MLXIP: variants seen among roughly 807,000 people sequenced by gnomAD.
The protein encoded by MLXIP is MLX-interacting protein.
MLXIP carries 30 observed loss-of-function variants against 87.2 expected under a neutral mutation model. The ratio of observed to expected loss-of-function variants is 0.34; its 90% confidence interval spans 0.26 to 0.47. The LOEUF (loss-of-function observed/expected upper bound fraction) is 0.47. MLXIP is among the 20% of genes least tolerant of loss of function. The pLI is 1.00. For missense variants in MLXIP, 1,002 were observed against 1,240.1 expected (o/e 0.81, Z 2.88); for synonymous variants, 530 against 514.0 (o/e 1.03, Z -0.42).
At chr12:122,131,718 A>G (rs938332655) in intron 7 of MLXIP, among the ~76,000 whole-genome samples, 1 of 151,018 alleles carries the variant, frequency 6.6e-6, no homozygotes, top group African/African-American at 2.4e-5. Flanking sequence ...AAGCCATCAC[A>G]CCCAGCCTGT....
chr12:122,080,348 A>G (rs374596405), intron 1 of MLXIP, among the ~76,000 whole-genome samples: 8 of 152,136 alleles, frequency 5.3e-5, no homozygotes, highest in East Asian at 1.9e-4. Context: ...GTTTCCTAGG[A>G]GACTCCATAA....
At chr12:122,105,789 A>G (rs949429912) in intron 1 of MLXIP, among the ~76,000 whole-genome samples, 3 of 152,052 alleles carry the variant, frequency 2.0e-5, no homozygotes, top group East Asian at 3.9e-4. Context: ...CAAAAAAAAA[A>G]AAAACTTCCC....
intron 1 of MLXIP, among the ~76,000 whole-genome samples, chr12:122,088,836 C>T (rs1391773571): frequency 6.6e-6 from 1 of 151,838 alleles, no homozygotes; most frequent in Non-Finnish European, 1.5e-5. Flanking sequence ...GGGAATTAGC[C>T]TAGTTTTCGG....
At chr12:122,093,864 G>C (rs1301411592) in intron 1 of MLXIP, among the ~76,000 whole-genome samples, 3 of 145,376 alleles carry the variant, frequency 2.1e-5, no homozygotes, top group African/African-American at 7.7e-5. Context: ...AGTGTCTGGT[G>C]TGTGGGGTGT....
rs1952053249 is a variant in MLXIP, at chr12:122,079,035, C to G, written c.182C>G (p.Pro61Arg). ...RAHASAAPPP[P>R]RAGPGREEPP... Reference sequence around the variant, plus strand: ...CACGCGAGCGCCGCGCCACCGCCGCCTCGGGCCGGGCCGGGCCGCGAGGAA... The same window carrying G: ...CACGCGAGCGCCGCGCCACCGCCGCGTCGGGCCGGGCCGGGCCGCGAGGAA... The change falls in exon 1 of 17, where the codon CCT becomes CGT. Residue 61 changes from proline (P) to arginine (R), a missense_variant. By Grantham distance (103) the Pro-to-Arg change is moderately radical. Around this residue, in one of 3 missense-constraint regions of MLXIP, gnomAD observed 129 missense variants for 104.2 expected, o/e 1.24. Coordinates refer to ENST00000319080, the MANE Select transcript of MLXIP (RefSeq NM_014938.6). 7.2e-7 allele frequency: 1 copy of G among 1,398,478 alleles called. No homozygotes were observed. Among genetic ancestry groups the G allele is most frequent in the South Asian group, 1.4e-5 (1 of 70,034 alleles). The allele number at this position is 1,398,478 out of a possible 1,614,324, so 86.6% of individuals were successfully genotyped here. A position where few individuals can be genotyped will look rare whatever the true frequency, so the allele number is the denominator to read the frequency against.
At chr12:122,130,272 A>G in intron 6 of MLXIP, 160 bp downstream of exon 6, 2 of 297,628 alleles carry the variant, frequency 6.7e-6, no homozygotes, top group Non-Finnish European at 9.9e-6. Flanking sequence ...CTCATTTGAC[A>G]TCCAGGCCGC....
chr12:122,101,925 G>A (rs1170416465), intron 1 of MLXIP, among the ~76,000 whole-genome samples: 1 of 152,176 alleles, frequency 6.6e-6, no homozygotes, highest in Non-Finnish European at 1.5e-5. Context: ...TTTAGGATGT[G>A]AACCATTTTG....
chr12:122,087,338 T>C (rs1252522099), intron 1 of MLXIP, among the ~76,000 whole-genome samples: 1 of 151,960 alleles, frequency 6.6e-6, no homozygotes, highest in Non-Finnish European at 1.5e-5. Context: ...CATCAGGTCT[T>C]ATATTGTGAG....
chr12:122,100,633 C>G (rs1036704535), intron 1 of MLXIP, among the ~76,000 whole-genome samples: 4 of 152,284 alleles, frequency 2.6e-5, no homozygotes, highest in Middle Eastern at 3.4e-3. Flanking sequence ...CTTGAATGAT[C>G]ATCTCCTCTA....
At position 122,084,985 on chromosome 12, in the gene MLXIP, G is replaced by GTTAC. The variant is rs1285863433; in HGVS notation, c.413+5720_413+5723dup. On this transcript the variant is annotated intron_variant, in intron 1 of 16. Coordinates refer to ENST00000319080, the MANE Select transcript of MLXIP (RefSeq NM_014938.6). ...CGTTAATTAGCTGTGTTACCGAGAGGTTACACAACTTGTCCACGGAAAAGT... is the reference window on the plus strand; with the variant it reads ...CGTTAATTAGCTGTGTTACCGAGAGGTTACTTACACAACTTGTCCACGGAAAAGT... 2.6e-5 allele frequency among the ~76,000 whole-genome samples: 4 copies of GTTAC among 152,200 alleles called. No homozygotes were observed. In the East Asian group the frequency reaches 7.7e-4, roughly 29 times the overall value.
intron 1 of MLXIP, among the ~76,000 whole-genome samples, chr12:122,118,751 G>C (rs1391348450): frequency 6.6e-6 from 1 of 151,870 alleles, no homozygotes; most frequent in Non-Finnish European, 1.5e-5. Flanking sequence ...AGGAGGCTTA[G>C]GCAGGGGAAT....
intron 1 of MLXIP, among the ~76,000 whole-genome samples, chr12:122,081,709 A>T (rs546096003): frequency 6.6e-6 from 1 of 152,300 alleles, no homozygotes; most frequent in South Asian, 2.1e-4. Flanking sequence ...GGGCAGAAAG[A>T]AGACTTAACC....
Position 122,133,122 on chromosome 12 carries a change from C to T in MLXIP, c.1093-226C>T, listed in dbSNP as rs1009917119. On this transcript the variant is annotated intron_variant, in intron 8 of 16. Coordinates refer to ENST00000319080, the MANE Select transcript of MLXIP (RefSeq NM_014938.6). The surrounding 1 kb of genome is among the most constrained non-coding windows in gnomAD (Gnocchi z 4.9). Reference sequence around the variant, plus strand: ...CTAGCCAGCTGTGTGAGGGCCGTTGCCTTATCTGAGCTCTGAGTTATTTAG... The same window carrying T: ...CTAGCCAGCTGTGTGAGGGCCGTTGTCTTATCTGAGCTCTGAGTTATTTAG... 1 of 472,372 alleles carries T rather than the reference C, an allele frequency of 2.1e-6. No homozygotes were observed. The highest frequency in any genetic ancestry group is 2.0e-5 in the African/African-American group (1 of 50,592). The allele number at this position is 472,372 out of a possible 1,614,324, so 29.3% of individuals were successfully genotyped here. A position where few individuals can be genotyped will look rare whatever the true frequency, so the allele number is the denominator to read the frequency against.
At chr12:122,094,324 T>G (rs1336867096) in intron 1 of MLXIP, among the ~76,000 whole-genome samples, 1 of 135,016 alleles carries the variant, frequency 7.4e-6, no homozygotes. Flanking sequence ...GGTGTGTTGG[T>G]GTGTGTGTGG....
intron 1 of MLXIP, among the ~76,000 whole-genome samples, chr12:122,111,875 G>T (rs1174298129): frequency 6.6e-6 from 1 of 152,096 alleles, no homozygotes; most frequent in Non-Finnish European, 1.5e-5. Flanking sequence ...GTATGGTGAT[G>T]GCCCAATTTG....
Position 122,135,447 on chromosome 12 carries a change from A to G in MLXIP, c.1855-42A>G, listed in dbSNP as rs1593115262. The G allele has an allele frequency of 6.2e-6, 10 of 1,608,390 alleles. No individual in the cohort carries two copies. Among genetic ancestry groups the G allele is most frequent in the Non-Finnish European group, 8.5e-6 (10 of 1,177,526 alleles). ...GACGACTGGTGTGCCGCCCTGCTGT[A>G]TATCAGCAGTCAGGGGTGACCTGTC... On this transcript the variant is annotated intron_variant, in intron 10 of 16. Transcript: ENST00000319080. The surrounding 1 kb of genome is among the most constrained non-coding windows in gnomAD (Gnocchi z 5.3).
intron 7 of MLXIP, 127 bp from the exon 8 acceptor site, chr12:122,132,165 G>C: frequency 1.5e-6 from 1 of 652,612 alleles, no homozygotes; most frequent in Non-Finnish European, 2.8e-6. Flanking sequence ...CTCATGATCT[G>C]CCTACCTCGG....
At chr12:122,138,794 C>T (rs1430669755) in intron 14 of MLXIP, 21 bp from the exon 15 acceptor site, 1 of 1,611,252 alleles carries the variant, frequency 6.2e-7, no homozygotes, top group Non-Finnish European at 8.5e-7. Context: ...TCCACAGCTC[C>T]CACGGCTCCT....
intron 1 of MLXIP, among the ~76,000 whole-genome samples, chr12:122,079,915 G>T (rs544259753): frequency 7.9e-5 from 12 of 152,208 alleles, no homozygotes; most frequent in Admixed American, 7.9e-4. Context: ...AAGACTTTTG[G>T]TGCCACAGCT....
Sources: allele counts gnomAD v4.1 joint callset (sites outside exome capture counted in the v4.1 genomes callset), GRCh38; gene constraint gnomAD v4.1.1; regional missense constraint gnomAD v4.1.1; non-coding constraint Gnocchi (gnomAD v3.1); transcripts MANE v1.5; gene names NCBI Gene and HGNC (gene_info 2026-07-23, HGNC 2026-07-21).